The following PRKD3 variants were observed in gnomAD, a reference collection of about 807,000 sequenced individuals.
PRKD3 encodes serine/threonine-protein kinase D3.
In PRKD3, 47 loss-of-function variants were observed where a neutral mutation model predicts 99.2. That is an observed-to-expected ratio of 0.47 (90% CI 0.38 to 0.60). The LOEUF is 0.60. Ranked by LOEUF, PRKD3 falls within the 20% of genes least tolerant of loss-of-function variation. The pLI, the probability that PRKD3 is intolerant of heterozygous loss-of-function variation, is 0.00. For missense variants in PRKD3, 1,019 were observed against 1,088.4 expected (o/e 0.94, Z 0.90); for synonymous variants, 392 against 355.4 (o/e 1.10, Z -1.16).
intron 17 of PRKD3, 128 bp downstream of exon 17, chr2:37,256,534 G>A (rs1170961720): frequency 1.6e-6 from 2 of 1,214,344 alleles, no homozygotes; most frequent in East Asian, 5.2e-5. Context: ...GTTGAATTTG[G>A]AAGATGAATG....
At chr2:37,298,251 C>G (rs1393211774) in intron 2 of PRKD3, among the ~76,000 whole-genome samples, 5 of 152,270 alleles carry the variant, frequency 3.3e-5, no homozygotes, top group African/African-American at 1.2e-4. Context: ...AACAGTGTTG[C>G]CAGTTTTCTC....
At chr2:37,279,972 A>C in intron 7 of PRKD3, 43 bp from the exon 8 acceptor site, 1 of 1,368,374 alleles carries the variant, frequency 7.3e-7, no homozygotes, top group Non-Finnish European at 1.0e-6. Flanking sequence ...ATATTAATAG[A>C]GGAAGTCCAT....
intron 2 of PRKD3, among the ~76,000 whole-genome samples, chr2:37,315,501 T>TA (rs984678556): frequency 9.2e-5 from 14 of 151,712 alleles, no homozygotes; most frequent in East Asian, 3.9e-4. Flanking sequence ...AGGAAATGGA[T>TA]AAAAAAAAGA....
In PRKD3 at chr2:37,261,672, C is replaced by T. The variant is rs569023629; in HGVS notation, c.1885-1288G>A. 2.6e-3 allele frequency among the ~76,000 whole-genome samples: 388 copies of T among 152,130 alleles called. 3 individuals carry two copies. The highest frequency in any genetic ancestry group is 8.7e-3 in the African/African-American group (360 of 41,478). On this transcript the variant is annotated intron_variant, in intron 14 of 18. Coordinates refer to ENST00000234179, the MANE Select transcript of PRKD3 (RefSeq NM_005813.6). ...GCGCAAGCCTGTAATCCCAGCTACT[C>T]GGGAGGCTGAGGCAGGAGAATTGCT...
chr2:37,283,405 T>C (rs1669945210), intron 6 of PRKD3, among the ~76,000 whole-genome samples: 1 of 152,146 alleles, frequency 6.6e-6, no homozygotes. Flanking sequence ...TGGGTAAAAA[T>C]AACTTTAAGT....
chr2:37,301,387 A>G (rs1572688991), intron 2 of PRKD3, among the ~76,000 whole-genome samples: 1 of 151,814 alleles, frequency 6.6e-6, no homozygotes, highest in South Asian at 2.1e-4. Context: ...TTTCAGTTGT[A>G]TAATTTGAAA....
chr2:37,290,876 TTC>T lies in PRKD3; in HGVS notation c.549_550del (p.Lys184MetfsTer2). ...AATTTTAGAACACACACCTTCACAT[TTC>T]AGTCCTTGACGTACCAATCCCCAGA... On this transcript the variant is annotated frameshift_variant, in exon 4 of 19. Coordinates refer to ENST00000234179, the MANE Select transcript of PRKD3 (RefSeq NM_005813.6). LOFTEE classifies it high-confidence loss of function. 1 of 1,591,432 alleles carries T rather than the reference TTC, an allele frequency of 6.3e-7. No individual in the cohort carries two copies. Among genetic ancestry groups the T allele is most frequent in the Non-Finnish European group, 8.6e-7 (1 of 1,169,020 alleles).
chr2:37,318,279 A>C (rs1230054562), intron 1 of PRKD3, among the ~76,000 whole-genome samples: 1 of 152,222 alleles, frequency 6.6e-6, no homozygotes, highest in Non-Finnish European at 1.5e-5. Context: ...TTTCAAGTAA[A>C]TGATCATTAT....
At chr2:37,254,587 C>G (rs1246376629) in intron 17 of PRKD3, among the ~76,000 whole-genome samples, 1 of 152,184 alleles carries the variant, frequency 6.6e-6, no homozygotes, top group African/African-American at 2.4e-5. Flanking sequence ...CTGTGTGATA[C>G]TGGGTCAGTT....
At chr2:37,275,372 C>A (rs538320806) in intron 10 of PRKD3, among the ~76,000 whole-genome samples, 2 of 152,098 alleles carry the variant, frequency 1.3e-5, no homozygotes, top group Non-Finnish European at 2.9e-5. Flanking sequence ...GATTAAGAGC[C>A]AAACAAGCAA....
At chr2:37,262,412 T>C (rs1668533188) in intron 14 of PRKD3, among the ~76,000 whole-genome samples, 1 of 152,222 alleles carries the variant, frequency 6.6e-6, no homozygotes. Context: ...GTAGGTGTTT[T>C]CAAAAATGTT....
intron 2 of PRKD3, among the ~76,000 whole-genome samples, chr2:37,300,053 A>G (rs1046089980): frequency 3.9e-4 from 59 of 152,336 alleles, no homozygotes; most frequent in Admixed American, 1.2e-3. Context: ...CAAGATATCA[A>G]AAAGATATCC....
Position 37,267,508 on chromosome 2 carries a change from C to T in PRKD3, c.1806G>A (p.Val602=), listed in dbSNP as rs1283394915. ...GGKHRKTGRD[V]AIKVIDKMRF... Reference sequence around the variant, plus strand: ...TCATCTTATCAATTACTTTAATAGCCACATCCCTCCCAGTCTTTCTATGTT... The same window carrying T: ...TCATCTTATCAATTACTTTAATAGCTACATCCCTCCCAGTCTTTCTATGTT... Residue 602 remains valine, a synonymous_variant, in exon 14 of 19, where the codon GTG becomes GTA. Coordinates refer to ENST00000234179, the MANE Select transcript of PRKD3 (RefSeq NM_005813.6). 3.1e-6 allele frequency: 5 copies of T among 1,610,422 alleles called. No individual in the cohort carries two copies. The highest frequency in any genetic ancestry group is 1.3e-5 in the African/African-American group (1 of 74,764).
chr2:37,259,062 A>C (rs2148490894), intron 16 of PRKD3, among the ~76,000 whole-genome samples: 1 of 152,288 alleles, frequency 6.6e-6, no homozygotes, highest in East Asian at 1.9e-4. Flanking sequence ...GAAAAAAAAA[A>C]AACTCAACTG....
At chr2:37,318,867 C>T (rs939912385) in intron 1 of PRKD3, among the ~76,000 whole-genome samples, 7 of 151,960 alleles carry the variant, frequency 4.6e-5, no homozygotes, top group Non-Finnish European at 7.4e-5. Flanking sequence ...CAAGTTCTGG[C>T]GGCTGGAGAA....
rs1237852647 is a variant in PRKD3 at position 37,272,482 on chromosome 2, C to T, written c.1652-50G>A. On this transcript the variant is annotated intron_variant, in intron 11 of 18. Coordinates refer to ENST00000234179, the MANE Select transcript of PRKD3 (RefSeq NM_005813.6). The stretch of plus-strand genomic sequence containing the variant: ...TTTAGTATATGACAATATTATTAAT[C>T]TTTACTGACATGTGAATGCTCATGG... The T allele has an allele frequency of 3.9e-6, 6 of 1,558,106 alleles. No individual in the cohort carries two copies. In the African/African-American group the frequency reaches 5.6e-5, roughly 15 times the overall value.
chr2:37,282,487 C>G, intron 7 of PRKD3, 55 bp downstream of exon 7: 3 of 1,134,672 alleles, frequency 2.6e-6, no homozygotes, highest in Non-Finnish European at 2.7e-6. Context: ...GATAATACAC[C>G]AAAGAATCAT....
intron 17 of PRKD3, 85 bp downstream of exon 17, chr2:37,256,577 C>T (rs1162563946): frequency 1.4e-6 from 2 of 1,387,856 alleles, no homozygotes; most frequent in Non-Finnish European, 1.9e-6. Context: ...TTGCAAGAGA[C>T]AGACTGATTT....
At chr2:37,288,091 C>G (rs1670208158) in intron 5 of PRKD3, among the ~76,000 whole-genome samples, 1 of 152,172 alleles carries the variant, frequency 6.6e-6, no homozygotes, top group African/African-American at 2.4e-5. Flanking sequence ...AAAAATGTAA[C>G]ACCTTATCCA....
Sources: gnomAD v4.1 joint callset for allele counts (sites outside exome capture counted in the v4.1 genomes callset) on GRCh38, gnomAD v4.1.1 for gene constraint, MANE v1.5 for transcripts, NCBI Gene and HGNC (gene_info 2026-07-23, HGNC 2026-07-21) for gene names.